The following TLK1 variants were observed in gnomAD, a reference collection of about 807,000 sequenced individuals.
TLK1 encodes the protein serine/threonine-protein kinase tousled-like 1.
A neutral mutation model predicts 105.3 loss-of-function variants in TLK1; 24 were observed. That is an observed-to-expected ratio of 0.23 (90% CI 0.17 to 0.32). TLK1 has a LOEUF of 0.32. Ranked by LOEUF, TLK1 falls within the 10% of genes least tolerant of loss-of-function variation. The pLI, the probability that TLK1 is intolerant of heterozygous loss-of-function variation, is 1.00. For synonymous variants in TLK1, 321 were observed against 310.4 expected (o/e 1.03, Z -0.36); for missense variants, 558 against 910.5 (o/e 0.61, Z 4.98).
intron 1 of TLK1, among the ~76,000 whole-genome samples, chr2:171,151,735 A>G (rs1458263444): frequency 6.6e-6 from 1 of 151,958 alleles, no homozygotes; most frequent in Non-Finnish European, 1.5e-5. Flanking sequence ...TCAGCCTCCC[A>G]AAGTGCTGGG....
At chr2:171,066,773 C>T (rs1688017223) in intron 3 of TLK1, 3 of 1,490,828 alleles carry the variant, frequency 2.0e-6, no homozygotes, top group Non-Finnish European at 2.7e-6. Flanking sequence ...CCCTTTAAGG[C>T]TTTATTTGTT....
intron 1 of TLK1, among the ~76,000 whole-genome samples, chr2:171,119,738 A>G (rs1231894823): frequency 3.3e-5 from 5 of 152,262 alleles, no homozygotes; most frequent in Non-Finnish European, 7.3e-5. Context: ...AGTCTTTTCA[A>G]CAAATGGTGC....
chr2:171,027,602 TAA>T (rs1364385195), intron 12 of TLK1, among the ~76,000 whole-genome samples: 37 of 152,150 alleles, frequency 2.4e-4, no homozygotes, highest in Non-Finnish European at 1.5e-5. Context: ...TGCAACAAAT[TAA>T]AAGATAAGCC....
At chr2:171,126,744 A>C (rs984598152) in intron 1 of TLK1, among the ~76,000 whole-genome samples, 4 of 151,872 alleles carry the variant, frequency 2.6e-5, no homozygotes, top group African/African-American at 9.7e-5. Flanking sequence ...ATTTTAATTC[A>C]CTCGAGATTT....
intron 3 of TLK1, among the ~76,000 whole-genome samples, chr2:171,075,109 AG>A (rs1484633516): frequency 6.6e-6 from 1 of 152,122 alleles, no homozygotes; most frequent in Middle Eastern, 3.2e-3. Flanking sequence ...ACTTAAGGCC[AG>A]TATTACCTCT....
intron 1 of TLK1, among the ~76,000 whole-genome samples, chr2:171,135,319 GTATATA>G (rs201751767): frequency 3.9e-3 from 271 of 70,308 alleles, no homozygotes; most frequent in South Asian, 0.021. Flanking sequence ...GTGTGTGTGT[GTATATA>G]TATATATATA....
intron 1 of TLK1, among the ~76,000 whole-genome samples, chr2:171,190,668 C>G (rs1693128796): frequency 6.6e-6 from 1 of 152,118 alleles, no homozygotes; most frequent in African/African-American, 2.4e-5. Flanking sequence ...GTAAAATGTT[C>G]TTTCAAAATG....
intron 14 of TLK1, 145 bp from the exon 15 acceptor site, chr2:171,007,208 A>C: frequency 3.7e-6 from 2 of 538,770 alleles, no homozygotes; most frequent in Middle Eastern, 5.0e-4. Flanking sequence ...CTAAGACTAT[A>C]TATAGCTCAA....
In TLK1 at chr2:171,028,416, T is replaced by A. The variant is rs778984616; in HGVS notation, c.1170-11A>T. 6.3e-7 allele frequency: 1 copy of A among 1,585,008 alleles called. No homozygotes were observed. Among genetic ancestry groups the A allele is most frequent in the East Asian group, 2.3e-5 (1 of 44,406 alleles). On this transcript the variant is annotated splice_polypyrimidine_tract_variant and intron_variant, in intron 11 of 20. Coordinates refer to ENST00000431350, the MANE Select transcript of TLK1 (RefSeq NM_012290.5). ...TCTGCCAAAGTCAACCTGTCAAAAA[T>A]GAAATTTTAATTCTACATATTGAGA...
chr2:171,077,147 C>T (rs574602475), intron 3 of TLK1, among the ~76,000 whole-genome samples: 5 of 152,274 alleles, frequency 3.3e-5, no homozygotes, highest in South Asian at 2.1e-4. Flanking sequence ...AACCCACTCA[C>T]GCTTCTTTCC....
intron 3 of TLK1, chr2:171,066,746 TTCCCTTCTCTGGCTA>T: frequency 1.5e-6 from 2 of 1,291,832 alleles, no homozygotes; most frequent in Non-Finnish European, 2.1e-6. Flanking sequence ...TCCTGGCACT[TTCCCTTCTCTGGCTA>T]TCCCTTTAAG....
At chr2:171,019,319 A>G (rs1685363934) in intron 12 of TLK1, among the ~76,000 whole-genome samples, 1 of 152,216 alleles carries the variant, frequency 6.6e-6, no homozygotes, top group African/African-American at 2.4e-5. Context: ...GTTAAAAATG[A>G]TAGGTGGTTC....
intron 1 of TLK1, among the ~76,000 whole-genome samples, chr2:171,146,371 C>T (rs972924097): frequency 1.3e-4 from 20 of 152,242 alleles, no homozygotes; most frequent in African/African-American, 4.3e-4. Flanking sequence ...GGTGCTCACA[C>T]ACAAGAGGTG....
chr2:171,029,693 T>G (rs879397662), intron 11 of TLK1, among the ~76,000 whole-genome samples: 2 of 151,998 alleles, frequency 1.3e-5, no homozygotes, highest in Non-Finnish European at 2.9e-5. Context: ...CATGGTTATC[T>G]TATTATTTCA....
At chr2:171,138,298 T>G (rs1691425800) in intron 1 of TLK1, among the ~76,000 whole-genome samples, 1 of 152,200 alleles carries the variant, frequency 6.6e-6, no homozygotes, top group South Asian at 2.1e-4. Flanking sequence ...CTAATATACT[T>G]ACAACGACAT....
chr2:171,093,368 G>A (rs751496193), intron 2 of TLK1, among the ~76,000 whole-genome samples: 33 of 152,154 alleles, frequency 2.2e-4, no homozygotes, highest in Non-Finnish European at 4.6e-4. Flanking sequence ...GATGGAATGA[G>A]GTAATCAGAG....
In TLK1 at chr2:171,220,243, T is replaced by C. The variant is rs557682695; in HGVS notation, c.-6+10902A>G. 2.0e-5 allele frequency among the ~76,000 whole-genome samples: 3 copies of C among 152,286 alleles called. No individual in the cohort carries two copies. In the South Asian group the frequency reaches 6.2e-4, roughly 32 times the overall value. The stretch of plus-strand genomic sequence containing the variant: ...GGCCCTGCTATCTTTTAGGGACCAT[T>C]CTTCAGCCTCCCAAAGATGTGTACT... On this transcript the variant is annotated intron_variant, in intron 1 of 20. Coordinates refer to the TLK1 transcript ENST00000521943.
Position 170,993,489 on chromosome 2 carries a change from A to T in TLK1, c.*291T>A, listed in dbSNP as rs1193569574. 1.1e-5 allele frequency: 3 copies of T among 261,084 alleles called. No homozygotes were observed. The highest frequency in any genetic ancestry group is 2.1e-5 in the Non-Finnish European group (3 of 140,902). 16.2% of individuals were successfully genotyped at this position (261,084 alleles called of 1,614,324 possible). ...TACAGTGTTCCCCCAAATAAACAAA[A>T]TTTTTTTCCTCTATCTTAACATGGT... On this transcript the variant is annotated 3_prime_UTR_variant, in exon 21 of 21. Coordinates refer to ENST00000431350, the MANE Select transcript of TLK1 (RefSeq NM_012290.5).
At chr2:171,008,908 T>C (rs550437673) in intron 14 of TLK1, among the ~76,000 whole-genome samples, 1 of 152,318 alleles carries the variant, frequency 6.6e-6, no homozygotes, top group African/African-American at 2.4e-5. Flanking sequence ...TGAAGGCTCA[T>C]GGTAAGTTCA....
Sources: allele counts gnomAD v4.1 joint callset (sites outside exome capture counted in the v4.1 genomes callset), GRCh38; gene constraint gnomAD v4.1.1; transcripts MANE v1.5; gene names NCBI Gene and HGNC (gene_info 2026-07-23, HGNC 2026-07-21).